EDARADD: variants seen among roughly 807,000 people sequenced by gnomAD.
EDARADD encodes the protein EDAR associated via death domain, also known as ectodysplasin-A receptor-associated adapter protein.
Under a neutral mutation model 25.6 loss-of-function variants are expected in EDARADD, and 20 were observed. That is an observed-to-expected ratio of 0.78 (90% confidence interval 0.55 to 1.14). The LOEUF (loss-of-function observed/expected upper bound fraction) is 1.14, where lower values mean the gene tolerates loss of function less well. Among genes scored for constraint, EDARADD ranks in the 50% most tolerant of loss-of-function variants. The pLI, the probability that EDARADD is intolerant of heterozygous loss-of-function variation, is 0.00. For synonymous variants in EDARADD, 86 were observed against 94.4 expected (o/e 0.91, Z 0.52); for missense variants, 225 against 270.1 (o/e 0.83, Z 1.17).
chr1:236,463,451 G>A (rs1253605), intron 4 of EDARADD, among the ~76,000 whole-genome samples: 6,351 of 152,104 alleles, frequency 0.042, 338 homozygotes, highest in East Asian at 0.22. Context: ...ACACCACCAC[G>A]CCCGGCTAAT....
intron 3 of EDARADD, among the ~76,000 whole-genome samples, chr1:236,361,662 A>G (rs1452669935): frequency 1.3e-5 from 1 of 79,828 alleles, no homozygotes; most frequent in South Asian, 4.2e-4. Flanking sequence ...CCTTCATACC[A>G]TAGGTATTCT....
Position 236,409,152 on chromosome 1 carries a change from A to G in EDARADD, c.62-64A>G, listed in dbSNP as rs562592911. 56 of 1,162,310 alleles carry G rather than the reference A, an allele frequency of 4.8e-5. No individual in the cohort carries two copies. In the African/African-American group the frequency reaches 5.7e-4, roughly 12 times the overall value. 72.0% of individuals were successfully genotyped at this position (1,162,310 alleles called of 1,614,324 possible). ...TCTGTATAGAGACAGTTATCAAAGG[A>G]CTCATTTGTGGTTTTAAATTAAAGC... is the stretch of plus-strand genomic sequence containing the variant. On this transcript the variant is annotated intron_variant, in intron 1 of 5. Transcript: ENST00000334232.
intron 1 of EDARADD, among the ~76,000 whole-genome samples, chr1:236,399,827 C>T (rs1042493500): frequency 5.9e-5 from 9 of 152,240 alleles, no homozygotes; most frequent in African/African-American, 1.9e-4. Context: ...CACATTCTCC[C>T]TTTGTTCTGA....
At chr1:236,442,048 G>A (rs1162110932) in intron 4 of EDARADD, among the ~76,000 whole-genome samples, 1 of 152,078 alleles carries the variant, frequency 6.6e-6, no homozygotes, top group African/African-American at 2.4e-5. Context: ...GATGAAGGTA[G>A]CTATACTAAA....
intron 3 of EDARADD, among the ~76,000 whole-genome samples, chr1:236,356,771 C>CACCAATT (rs972967200): frequency 6.6e-6 from 1 of 151,806 alleles, no homozygotes; most frequent in Non-Finnish European, 1.5e-5. Context: ...AAAAAAACCA[C>CACCAATT]ACCAATTTGG....
intron 3 of EDARADD, among the ~76,000 whole-genome samples, chr1:236,367,873 C>A (rs1667129354): frequency 6.6e-6 from 1 of 152,142 alleles, no homozygotes; most frequent in Non-Finnish European, 1.5e-5. Context: ...CTTTGGGAGG[C>A]AGATGCTGGA....
chr1:236,381,779 T>C (rs1429838666), intron 3 of EDARADD, among the ~76,000 whole-genome samples: 1 of 150,442 alleles, frequency 6.6e-6, no homozygotes, highest in Non-Finnish European at 1.5e-5. Context: ...AATATGTCTT[T>C]TTTTTTTTCT....
At chr1:236,353,233 A>G (rs1308861798) in intron 3 of EDARADD, among the ~76,000 whole-genome samples, 2 of 152,110 alleles carry the variant, frequency 1.3e-5, no homozygotes, top group Non-Finnish European at 2.9e-5. Flanking sequence ...GAACTGTGTG[A>G]CCTTGGGCAA....
rs1667474783 is a variant in EDARADD at position 236,394,319 on chromosome 1, AT to A, written c.-124del. The stretch of plus-strand genomic sequence containing the variant: ...AGGAAGTTTATCCTCCCACCTACAA[AT>A]TCCCCAGAGAGCTTTCATCTAGAAG... On this transcript the variant is annotated 5_prime_UTR_variant, in exon 1 of 6. Coordinates refer to ENST00000334232, the MANE Select transcript of EDARADD (RefSeq NM_145861.4). 9.3e-7 allele frequency: 1 copy of A among 1,071,072 alleles called. No individual in the cohort carries two copies. The highest frequency in any genetic ancestry group is 1.4e-6 in the Non-Finnish European group (1 of 702,524). The allele number at this position is 1,071,072 out of a possible 1,614,324, so 66.3% of individuals were successfully genotyped here.
Position 236,457,238 on chromosome 1 carries a change from G to A in EDARADD, c.220-10993G>A, listed in dbSNP as rs575375059. Among the ~76,000 whole-genome samples the A allele has an allele frequency of 7.0e-4, 107 of 152,258 alleles. 1 individual carries two copies. Among genetic ancestry groups the A allele is most frequent in the South Asian group, 5.4e-3 (26 of 4,824 alleles). On this transcript the variant is annotated intron_variant, in intron 4 of 5. Coordinates refer to ENST00000334232, the MANE Select transcript of EDARADD (RefSeq NM_145861.4). ...GTGGTAAAACATATTCAAGTTTACC[G>A]GGCACGGGGGCTCACGCCTGTAATC...
At chr1:236,419,419 A>C (rs1201488351) in intron 3 of EDARADD, among the ~76,000 whole-genome samples, 28 of 152,104 alleles carry the variant, frequency 1.8e-4, no homozygotes, top group South Asian at 1.0e-3. Context: ...AACTAAAACA[A>C]AACAAAAAAC....
At chr1:236,407,266 G>T (rs983150702) in intron 1 of EDARADD, among the ~76,000 whole-genome samples, 2 of 152,162 alleles carry the variant, frequency 1.3e-5, no homozygotes, top group Non-Finnish European at 2.9e-5. Context: ...GTCCCCGGGG[G>T]TTAGGCTGCT....
At chr1:236,370,995 TAG>T (rs1667166728) in intron 3 of EDARADD, among the ~76,000 whole-genome samples, 1 of 152,206 alleles carries the variant, frequency 6.6e-6, no homozygotes, top group South Asian at 2.1e-4. Context: ...TCGGTTAACT[TAG>T]ACGTCTTTCA....
intron 5 of EDARADD, among the ~76,000 whole-genome samples, 153 bp from the exon 6 acceptor site, chr1:236,482,114 C>CA (rs374553103): frequency 0.023 from 1,671 of 72,982 alleles, 31 homozygotes; most frequent in African/African-American, 0.057. Flanking sequence ...GACTCCATCT[C>CA]AAAAAAAAAA....
rs55864840 is a variant in EDARADD, at chr1:236,400,720, A to ATTTTTTTTTTTT, written c.61+6222_61+6233dup. 6.3e-3 allele frequency among the ~76,000 whole-genome samples: 756 copies of ATTTTTTTTTTTT among 120,814 alleles called. 1 individual carries two copies. The highest frequency in any genetic ancestry group is 0.01 in the Non-Finnish European group (619 of 60,008). 79.3% of individuals were successfully genotyped at this position (120,814 alleles called of 152,430 possible). ...CAGGCTTGTACCACCACACCCGGCT[A>ATTTTTTTTTTTT]TTTTTTTTTTTTTTTTTTGTATTTT... On this transcript the variant is annotated intron_variant, in intron 1 of 5. Coordinates refer to ENST00000334232, the MANE Select transcript of EDARADD (RefSeq NM_145861.4).
chr1:236,450,267 C>T (rs187457284), intron 4 of EDARADD, among the ~76,000 whole-genome samples: 1 of 151,882 alleles, frequency 6.6e-6, no homozygotes. Flanking sequence ...ACACTCCCAC[C>T]TGGGCCACAG....
intron 1 of EDARADD, among the ~76,000 whole-genome samples, chr1:236,405,757 CTT>C (rs1329908038): frequency 1.4e-4 from 8 of 55,360 alleles, no homozygotes; most frequent in Admixed American, 2.0e-4. Flanking sequence ...TTCTTTCTTT[CTT>C]TCTTTCTTTC....
chr1:236,417,648 A>G (rs1330917296), intron 3 of EDARADD, among the ~76,000 whole-genome samples: 2 of 151,946 alleles, frequency 1.3e-5, no homozygotes, highest in Non-Finnish European at 2.9e-5. Context: ...AGAACTGGTG[A>G]GATTGAGGTT....
chr1:236,365,055 T>G (rs1182878174), intron 3 of EDARADD, among the ~76,000 whole-genome samples: 2 of 152,232 alleles, frequency 1.3e-5, no homozygotes, highest in Non-Finnish European at 2.9e-5. Context: ...AAATTCCCTT[T>G]TATTCCAAGT....
Sources: allele counts gnomAD v4.1 joint callset (sites outside exome capture counted in the v4.1 genomes callset), GRCh38; gene constraint gnomAD v4.1.1; transcripts MANE v1.5; gene names NCBI Gene and HGNC (gene_info 2026-07-23, HGNC 2026-07-21).